SYT1: variants seen among roughly 807,000 people sequenced by gnomAD.
SYT1 encodes synaptotagmin 1.
In SYT1, 8 loss-of-function variants were observed where a neutral mutation model predicts 44.8. The ratio of observed to expected loss-of-function variants is 0.18; its 90% CI spans 0.10 to 0.32. The LOEUF (loss-of-function observed/expected upper bound fraction) is 0.32. Among genes scored for constraint, SYT1 ranks in the 10% least tolerant of loss-of-function variants. The probability of loss-of-function intolerance (pLI) is 1.00; values close to 1 mark genes in which losing one functional copy is unlikely to be tolerated. For synonymous variants in SYT1, 154 were observed against 188.8 expected (o/e 0.82, Z 1.51); for missense variants, 286 against 509.3 (o/e 0.56, Z 4.22).
chr12:79,021,780 A>C (rs1396866984), intron 2 of SYT1, among the ~76,000 whole-genome samples: 1 of 151,882 alleles, frequency 6.6e-6, no homozygotes, highest in Non-Finnish European at 1.5e-5. Context: ...AAAATAATTT[A>C]GTGTAATTCT....
rs148325819 is a variant in SYT1, at chr12:79,038,579, T to C, written c.-83-8718T>C. On this transcript the variant is annotated intron_variant, in intron 2 of 10. Transcript: ENST00000261205. Reference sequence around the variant, plus strand: ...ACAAAATCCCTTAGGATTAGTGATATCTGTGCTGAGGATATCTGTGCACAT... The same window carrying C: ...ACAAAATCCCTTAGGATTAGTGATACCTGTGCTGAGGATATCTGTGCACAT... Among the ~76,000 whole-genome samples the C allele has an allele frequency of 3.3e-3, 499 of 152,100 alleles. 5 individuals are homozygous for C. The highest frequency in any genetic ancestry group is 0.011 in the African/African-American group (470 of 41,550).
chr12:79,051,490 A>C (rs1050867949), intron 3 of SYT1, among the ~76,000 whole-genome samples: 1 of 151,368 alleles, frequency 6.6e-6, no homozygotes, highest in African/African-American at 2.4e-5. Context: ...GATAAGTAGT[A>C]AAGAAAAATA....
intron 1 of SYT1, among the ~76,000 whole-genome samples, chr12:78,899,929 A>G (rs1345397131): frequency 6.6e-6 from 1 of 152,064 alleles, no homozygotes; most frequent in Non-Finnish European, 1.5e-5. Context: ...TTTAGCTCCT[A>G]CTTTTTAATC....
intron 2 of SYT1, among the ~76,000 whole-genome samples, chr12:79,011,162 A>G (rs1231152042): frequency 6.6e-6 from 1 of 152,224 alleles, no homozygotes. Flanking sequence ...GAAGTTAAGG[A>G]AGAGACCACA....
chr12:79,221,511 T>C (rs968499793), intron 4 of SYT1, among the ~76,000 whole-genome samples: 3 of 152,170 alleles, frequency 2.0e-5, no homozygotes, highest in Non-Finnish European at 4.4e-5. Flanking sequence ...CCCTTGTGGC[T>C]AAATGATTTT....
At chr12:79,194,382 C>T (rs1873316241) in intron 3 of SYT1, among the ~76,000 whole-genome samples, 1 of 151,966 alleles carries the variant, frequency 6.6e-6, no homozygotes, top group Admixed American at 6.6e-5. Flanking sequence ...ATCAGATTCA[C>T]CTGGAGGGCT....
At chr12:79,084,979 C>G (rs530763508) in intron 3 of SYT1, among the ~76,000 whole-genome samples, 7 of 152,058 alleles carry the variant, frequency 4.6e-5, no homozygotes, top group Non-Finnish European at 1.0e-4. Context: ...CAAATCTAAA[C>G]ACAAGATTCA....
intron 2 of SYT1, among the ~76,000 whole-genome samples, chr12:78,980,845 GA>G (rs1280885526): frequency 6.6e-6 from 1 of 152,036 alleles, no homozygotes; most frequent in East Asian, 1.9e-4. Context: ...GAAATTAAAA[GA>G]GGGGGTAGAA....
intron 9 of SYT1, among the ~76,000 whole-genome samples, chr12:79,427,883 G>A (rs1468374090): frequency 6.6e-6 from 1 of 152,176 alleles, no homozygotes; most frequent in East Asian, 1.9e-4. Flanking sequence ...AGACATGTCT[G>A]CATTTAACTT....
intron 1 of SYT1, among the ~76,000 whole-genome samples, chr12:78,889,754 A>G (rs1874946182): frequency 6.6e-6 from 1 of 152,018 alleles, no homozygotes; most frequent in Admixed American, 6.6e-5. Flanking sequence ...ATTGTAGTTG[A>G]TATTTTAGCT....
At chr12:79,159,904 T>A (rs2138301024) in intron 3 of SYT1, among the ~76,000 whole-genome samples, 1 of 152,280 alleles carries the variant, frequency 6.6e-6, no homozygotes, top group East Asian at 1.9e-4. Context: ...AAATATTGTA[T>A]AATAACTTAG....
chr12:79,075,681 T>C (rs549095657), intron 3 of SYT1, among the ~76,000 whole-genome samples: 1 of 152,270 alleles, frequency 6.6e-6, no homozygotes, highest in Non-Finnish European at 1.5e-5. Context: ...ACCTCTGCAG[T>C]TTGTGATACA....
chr12:78,942,653 T>C (rs940216899), intron 1 of SYT1, among the ~76,000 whole-genome samples: 43 of 152,246 alleles, frequency 2.8e-4, no homozygotes, highest in African/African-American at 9.6e-4. Flanking sequence ...TGGAAGGTAG[T>C]ACCAGCTTAC....
At chr12:79,113,314 T>G (rs1026550872) in intron 3 of SYT1, among the ~76,000 whole-genome samples, 11 of 152,134 alleles carry the variant, frequency 7.2e-5, no homozygotes, top group African/African-American at 2.7e-4. Flanking sequence ...AATAGGAAAG[T>G]ATTTTCCTTG....
rs533986096 is a variant in SYT1 at position 79,094,945 on chromosome 12, A to C, written c.-18+47583A>C. On this transcript the variant is annotated intron_variant, in intron 3 of 10. Coordinates refer to ENST00000261205, the MANE Select transcript of SYT1 (RefSeq NM_005639.3). ...GCCACTCCCAAAAGAAAGGCAGTCA[A>C]AAAGAAAGAAAAGCTTTGCTTGCCA... is the stretch of plus-strand genomic sequence containing the variant. 2.6e-5 allele frequency among the ~76,000 whole-genome samples: 4 copies of C among 152,112 alleles called. No individual in the cohort carries two copies. The South Asian group carries it at 8.3e-4, about 32-fold the overall frequency.
intron 3 of SYT1, among the ~76,000 whole-genome samples, chr12:79,122,165 A>G (rs867869571): frequency 6.6e-6 from 1 of 152,236 alleles, no homozygotes; most frequent in Non-Finnish European, 1.5e-5. Context: ...TCGTATAATT[A>G]GAAATAAAAG....
intron 4 of SYT1, among the ~76,000 whole-genome samples, chr12:79,256,158 G>T (rs1196862728): frequency 6.6e-6 from 1 of 152,192 alleles, no homozygotes; most frequent in African/African-American, 2.4e-5. Flanking sequence ...AAAAGCAGAT[G>T]ACTGCCATGA....
At chr12:79,259,301 C>A (rs1877701400) in intron 4 of SYT1, among the ~76,000 whole-genome samples, 1 of 152,098 alleles carries the variant, frequency 6.6e-6, no homozygotes, top group Non-Finnish European at 1.5e-5. Context: ...AGTGAAAGTA[C>A]AATCATTGTT....
At chr12:78,932,159 C>A (rs889403398) in intron 1 of SYT1, among the ~76,000 whole-genome samples, 2 of 152,158 alleles carry the variant, frequency 1.3e-5, no homozygotes, top group South Asian at 2.1e-4. Flanking sequence ...TCCCCTGAAT[C>A]TGTAACATCT....
Sources: gnomAD v4.1 joint callset for allele counts (sites outside exome capture counted in the v4.1 genomes callset) on GRCh38, gnomAD v4.1.1 for gene constraint, MANE v1.5 for transcripts, NCBI Gene and HGNC (gene_info 2026-07-23, HGNC 2026-07-21) for gene names.